Variants in C3orf20 observed in about 807,000 individuals in gnomAD.
The protein encoded by C3orf20 is family with sequence similarity 149 member C.
A neutral mutation model predicts 88.3 loss-of-function variants in C3orf20; 76 were observed. The ratio of observed to expected loss-of-function variants is 0.86; its 90% CI spans 0.72 to 1.04. C3orf20 has a LOEUF of 1.04. Ranked by LOEUF, C3orf20 falls within the 50% of genes least tolerant of loss-of-function variation. The pLI is 0.00. For synonymous variants in C3orf20, 436 were observed against 437.4 expected, an observed-to-expected ratio of 1.00 and a Z score of 0.04; for missense variants, 1,056 against 1,123.3, an observed-to-expected ratio of 0.94 and a Z score of 0.86.
At chr3:14,747,330 A>C (rs149847118) in intron 12 of C3orf20, among the ~76,000 whole-genome samples, 4 of 152,184 alleles carry the variant, frequency 2.6e-5, no homozygotes, top group Non-Finnish European at 5.9e-5. Flanking sequence ...TGCAGCTTGA[A>C]TATCTCTGGT....
chr3:14,739,745 T>G (rs771169809), intron 12 of C3orf20, among the ~76,000 whole-genome samples: 1 of 152,260 alleles, frequency 6.6e-6, no homozygotes, highest in Non-Finnish European at 1.5e-5. Flanking sequence ...AACTAGATCT[T>G]CTGTATAACA....
intron 7 of C3orf20, among the ~76,000 whole-genome samples, chr3:14,708,667 A>G (rs2033620711): frequency 6.6e-6 from 1 of 152,028 alleles, no homozygotes; most frequent in African/African-American, 2.4e-5. Context: ...TTTTTGAGAC[A>G]GAGTCTCACT....
At chr3:14,716,869 A>G (rs1022512407) in intron 9 of C3orf20, among the ~76,000 whole-genome samples, 17 of 152,152 alleles carry the variant, frequency 1.1e-4, no homozygotes, top group African/African-American at 4.1e-4. Context: ...GTATGTTAGG[A>G]GTTTTGGATT....
At chr3:14,728,348 CA>C in intron 11 of C3orf20, 90 bp from the exon 12 acceptor site, 1 of 1,528,272 alleles carries the variant, frequency 6.5e-7, no homozygotes, top group Non-Finnish European at 9.0e-7. Context: ...GGGGGTGAGC[CA>C]AGGTGCACTT....
chr3:14,757,825 A>G (rs2035427678), intron 13 of C3orf20, 151 bp downstream of exon 13: 1 of 697,522 alleles, frequency 1.4e-6, no homozygotes, highest in Non-Finnish European at 2.3e-6. Flanking sequence ...CTTTGTGTGT[A>G]CTCTCCTGTC....
At chr3:14,714,239 G>A (rs2033862385) in intron 8 of C3orf20, 80 bp downstream of exon 8, 1 of 1,501,292 alleles carries the variant, frequency 6.7e-7, no homozygotes, top group African/African-American at 1.4e-5. Flanking sequence ...GTGACTACGA[G>A]TCCCTGGTTA....
chr3:14,682,926 C>G lies in C3orf20; in HGVS notation c.213C>G (p.Val71=), dbSNP rs781542539. ...PTPSDILGLE[V]SFGAPLVVLM... is the part of the protein sequence containing the mutation. The stretch of plus-strand genomic sequence containing the variant: ...CGTCCGACATCTTGGGCCTGGAGGT[C>G]AGCTTTGGAGCCCCCCTGGTGGTGC... The change falls in exon 3 of 17, where the codon GTC becomes GTG. Residue 71 remains valine, a synonymous_variant. Transcript: ENST00000253697. 1 of 1,614,170 alleles carries G rather than the reference C, an allele frequency of 6.2e-7. No homozygotes were observed. The highest frequency in any genetic ancestry group is 2.2e-5 in the East Asian group (1 of 44,880).
chr3:14,714,089 C>A lies in C3orf20; in HGVS notation c.1243C>A (p.Pro415Thr), dbSNP rs1469379441. The A allele has an allele frequency of 7.4e-6, 12 of 1,613,970 alleles. No homozygotes were observed. Among genetic ancestry groups the A allele is most frequent in the Non-Finnish European group, 9.3e-6 (11 of 1,180,012 alleles). ...RTITCLFNDI[P>T]GFSLLALFNT... ...CATCACCTGCCTCTTTAATGACATA[C>A]CTGGATTCTCCTTGCTGGCCCTATT... is the stretch of plus-strand genomic sequence containing the variant. Residue 415 changes from proline (P) to threonine (T), a missense_variant, in exon 8 of 17, where the codon CCT becomes ACT. Pro to Thr is a conservative substitution (Grantham distance 38). Coordinates refer to ENST00000253697, the MANE Select transcript of C3orf20 (RefSeq NM_032137.5).
At chr3:14,759,727 G>A (rs1168027059) in intron 13 of C3orf20, among the ~76,000 whole-genome samples, 164 bp from the exon 14 acceptor site, 1 of 152,300 alleles carries the variant, frequency 6.6e-6, no homozygotes, top group South Asian at 2.1e-4. Context: ...GTCATGGGAG[G>A]TGTGCATGCA....
At chr3:14,742,273 A>T (rs968638236) in intron 12 of C3orf20, among the ~76,000 whole-genome samples, 1 of 152,246 alleles carries the variant, frequency 6.6e-6, no homozygotes, top group Non-Finnish European at 1.5e-5. Flanking sequence ...TTTTTGGCTT[A>T]AATAACTGAG....
rs533766526 is a variant in C3orf20, at chr3:14,714,229, G to A, written c.1313+70G>A. On this transcript the variant is annotated intron_variant, in intron 8 of 16. Transcript: ENST00000253697. ...GGGTGATGGAGGGAGGACTGAGGTG[G>A]TGACTACGAGTCCCTGGTTAAAGAA... 1.4e-4 allele frequency: 207 copies of A among 1,528,200 alleles called. 1 individual carries two copies. The South Asian group carries it at 2.2e-3, about 16-fold the overall frequency. 94.7% of individuals were successfully genotyped at this position (1,528,200 alleles called of 1,614,324 possible).
At chr3:14,770,068 G>A (rs1438212460) in intron 15 of C3orf20, among the ~76,000 whole-genome samples, 1 of 152,122 alleles carries the variant, frequency 6.6e-6, no homozygotes, top group East Asian at 1.9e-4. Flanking sequence ...TGGGGCTCTA[G>A]GGGGGCCCTG....
intron 12 of C3orf20, among the ~76,000 whole-genome samples, chr3:14,730,416 G>A (rs887376087): frequency 2.0e-5 from 3 of 152,012 alleles, no homozygotes; most frequent in Admixed American, 1.3e-4. Flanking sequence ...GTGTGGTGGT[G>A]GGCGCCTGTG....
rs1381264240 is a variant in C3orf20 at position 14,772,145 on chromosome 3, C to T, written c.2574C>T (p.Ser858=). ...KAESEDIQGS[S]SSLALEDYVE... is the part of the protein sequence containing the mutation. ...AGTCAGAAGATATCCAAGGAAGCAG[C>T]TCCTCATTGGCCCTGGAAGACTATG... The change falls in exon 16 of 17, where the codon AGC becomes AGT. Residue 858 remains serine (S), a synonymous_variant. Coordinates refer to ENST00000253697, the MANE Select transcript of C3orf20 (RefSeq NM_032137.5). The surrounding 1 kb of genome is among the most constrained non-coding windows in gnomAD (Gnocchi z 4.2). 13 of 1,614,076 alleles carry T rather than the reference C, an allele frequency of 8.1e-6. No homozygotes were observed. The South Asian group carries it at 8.8e-5, about 11-fold the overall frequency.
At position 14,678,766 on chromosome 3, in the gene C3orf20, T is replaced by C. The variant is rs149264716; in HGVS notation, c.-298-3404T>C. 1.8e-4 allele frequency among the ~76,000 whole-genome samples: 27 copies of C among 152,288 alleles called. No homozygotes were observed. In the South Asian group the frequency reaches 2.3e-3, roughly 13 times the overall value. ...GCATGTAGCAGTGCTGGGCTTAGCA[T>C]TGTAGAGATTATAAAAGAGAAGACA... On this transcript the variant is annotated intron_variant, in intron 1 of 16. Transcript: ENST00000253697.
At chr3:14,757,135 AT>A (rs1390999810) in intron 12 of C3orf20, among the ~76,000 whole-genome samples, 1 of 152,174 alleles carries the variant, frequency 6.6e-6, no homozygotes, top group African/African-American at 2.4e-5. Flanking sequence ...ACACTAAAGC[AT>A]TTTTTGACCC....
intron 4 of C3orf20, among the ~76,000 whole-genome samples, 166 bp downstream of exon 4, chr3:14,684,548 G>A (rs887017287): frequency 6.6e-6 from 1 of 152,204 alleles, no homozygotes; most frequent in African/African-American, 2.4e-5. Context: ...ATGAATTGGT[G>A]CAATTCCTGT....
At chr3:14,702,219 C>T (rs1003642579) in intron 5 of C3orf20, among the ~76,000 whole-genome samples, 9 of 152,096 alleles carry the variant, frequency 5.9e-5, no homozygotes, top group Non-Finnish European at 1.0e-4. Context: ...GAAGCAAAAG[C>T]AGAAATGCCT....
At chr3:14,765,646 G>A (rs1444079579) in intron 15 of C3orf20, 2 of 152,674 alleles carry the variant, frequency 1.3e-5, no homozygotes, top group Non-Finnish European at 2.9e-5. Flanking sequence ...TGGAGGTGAG[G>A]AGGTGGAGAG....
Sources: allele counts gnomAD v4.1 joint callset (sites outside exome capture counted in the v4.1 genomes callset), GRCh38; gene constraint gnomAD v4.1.1; non-coding constraint Gnocchi (gnomAD v3.1); transcripts MANE v1.5; gene names NCBI Gene and HGNC (gene_info 2026-07-23, HGNC 2026-07-21).